Variants in GRHL2 observed in about 807,000 individuals in gnomAD.
The protein encoded by GRHL2 is grainyhead-like protein 2 homolog.
A neutral mutation model predicts 83.8 loss-of-function variants in GRHL2; 21 were observed. That is an observed-to-expected ratio of 0.25 (90% CI 0.18 to 0.36). GRHL2 has a LOEUF of 0.36. GRHL2 is among the 10% of genes least tolerant of loss of function. GRHL2 has a pLI of 1.00. For synonymous variants in GRHL2, 280 were observed against 278.9 expected (o/e 1.00, Z -0.04); for missense variants, 623 against 781.8 (o/e 0.80, Z 2.42).
intron 7 of GRHL2, among the ~76,000 whole-genome samples, chr8:101,586,884 CTAAA>C (rs1447957750): frequency 9.2e-5 from 14 of 152,162 alleles, no homozygotes; most frequent in Non-Finnish European, 1.5e-5. Context: ...TACTAGAAGA[CTAAA>C]TATGCCTTTA....
intron 14 of GRHL2, among the ~76,000 whole-genome samples, chr8:101,652,551 TGTATGTGTGGTG>T (rs1563627546): frequency 5.7e-4 from 56 of 97,648 alleles, no homozygotes; most frequent in Non-Finnish European, 9.5e-4. Flanking sequence ...GTGTGTGGTG[TGTATGTGTGGTG>T]GTGTGTGTGT....
chr8:101,583,957 C>T (rs999338824), intron 7 of GRHL2, among the ~76,000 whole-genome samples: 4 of 152,306 alleles, frequency 2.6e-5, no homozygotes, highest in Non-Finnish European at 4.4e-5. Context: ...AAATAATGCA[C>T]ATAACAGCTC....
intron 1 of GRHL2, among the ~76,000 whole-genome samples, chr8:101,517,730 C>A (rs12675360): frequency 1.5e-5 from 2 of 131,276 alleles, no homozygotes; most frequent in Admixed American, 7.4e-5. Flanking sequence ...CTTTCATGTC[C>A]GTTTGCAGTC....
chr8:101,638,969 A>G (rs1221200131), intron 12 of GRHL2, among the ~76,000 whole-genome samples: 1 of 152,158 alleles, frequency 6.6e-6, no homozygotes, highest in African/African-American at 2.4e-5. Flanking sequence ...TTTGACATTG[A>G]GCATCTTGCG....
At chr8:101,640,018 C>A (rs566317302) in intron 12 of GRHL2, among the ~76,000 whole-genome samples, 1 of 152,364 alleles carries the variant, frequency 6.6e-6, no homozygotes, top group Non-Finnish European at 1.5e-5. Context: ...GTGTTGACTT[C>A]TCTGCATTAC....
intron 7 of GRHL2, among the ~76,000 whole-genome samples, chr8:101,580,088 C>T (rs1327885506): frequency 6.6e-6 from 1 of 152,174 alleles, no homozygotes; most frequent in Non-Finnish European, 1.5e-5. Context: ...GCAGGTTCAA[C>T]CAAGTCAGCC....
At chr8:101,549,979 G>A (rs1012419374) in intron 2 of GRHL2, among the ~76,000 whole-genome samples, 1 of 151,982 alleles carries the variant, frequency 6.6e-6, no homozygotes, top group African/African-American at 2.4e-5. Context: ...TGGGGTGGGC[G>A]AGTCATAAAC....
intron 12 of GRHL2, among the ~76,000 whole-genome samples, chr8:101,641,146 T>G (rs1396309570): frequency 6.6e-6 from 1 of 152,184 alleles, no homozygotes; most frequent in Non-Finnish European, 1.5e-5. Context: ...TTACTGATTC[T>G]CTCAAATGAT....
At chr8:101,554,629 A>G (rs1253751100) in intron 3 of GRHL2, among the ~76,000 whole-genome samples, 1 of 152,210 alleles carries the variant, frequency 6.6e-6, no homozygotes, top group Admixed American at 6.5e-5. Flanking sequence ...TGTGATCTGC[A>G]GCATATTCAT....
chr8:101,678,925 ACATCACCAT>A, the GRHL2 span, among the ~76,000 whole-genome samples: 1 of 133,520 alleles, frequency 7.5e-6, no homozygotes, highest in East Asian at 2.1e-4. Flanking sequence ...ACCCATCTGT[ACATCACCAT>A]CATCAAAGAC....
chr8:101,556,970 A>C (rs1443243806), intron 3 of GRHL2, among the ~76,000 whole-genome samples: 2 of 151,614 alleles, frequency 1.3e-5, no homozygotes, highest in Non-Finnish European at 2.9e-5. Flanking sequence ...AGTGTAATAA[A>C]CCCCCCAAAT....
At chr8:101,652,341 A>T (rs141732933) in intron 14 of GRHL2, among the ~76,000 whole-genome samples, 1 of 73,868 alleles carries the variant, frequency 1.4e-5, no homozygotes. Flanking sequence ...GTGTGTGTGT[A>T]TGTGTGTGGT....
intron 1 of GRHL2, among the ~76,000 whole-genome samples, chr8:101,513,248 A>G (rs10100857): frequency 0.017 from 2,661 of 152,188 alleles, 77 homozygotes; most frequent in African/African-American, 0.06. Flanking sequence ...TCACGATCCC[A>G]CTACTTACTG....
intron 2 of GRHL2, among the ~76,000 whole-genome samples, chr8:101,551,439 C>A (rs1284658607): frequency 1.3e-5 from 2 of 151,970 alleles, no homozygotes; most frequent in African/African-American, 2.4e-5. Flanking sequence ...CTGCTCTGTC[C>A]CCACACTAAG....
At chr8:101,621,059 A>C (rs1301121858) in intron 9 of GRHL2, among the ~76,000 whole-genome samples, 2 of 152,154 alleles carry the variant, frequency 1.3e-5, no homozygotes, top group African/African-American at 4.8e-5. Flanking sequence ...AGAAAATCTG[A>C]CTATATTTGT....
chr8:101,498,223 A>AT (rs1810147572), intron 1 of GRHL2, among the ~76,000 whole-genome samples: 1 of 152,078 alleles, frequency 6.6e-6, no homozygotes, highest in Admixed American at 6.5e-5. Flanking sequence ...AGTTCAAGAG[A>AT]TTCTCCTGCC....
chr8:101,548,755 G>T (rs558142789), intron 2 of GRHL2, among the ~76,000 whole-genome samples: 1 of 152,318 alleles, frequency 6.6e-6, no homozygotes, highest in South Asian at 2.1e-4. Context: ...ATGGTTCAAA[G>T]AAGAGCAAAC....
In GRHL2 at chr8:101,631,667, C is replaced by T. The variant is rs1456445530; in HGVS notation, c.1288C>T (p.Arg430Trp). ...AGAAAGAAAAATCCGAGATGAAGAG[C>T]GGAAGCAGAACAGGAAGAAAGGGAA... is the stretch of plus-strand genomic sequence containing the variant. ...GAERKIRDEE[R>W]KQNRKKGKGQ... The change falls in exon 10 of 16, where the codon CGG becomes TGG. Residue 430 changes from arginine (R) to tryptophan (W), a missense_variant. This residue lies in a region of GRHL2 where 210 missense variants were observed against 254.8 expected (regional missense o/e 0.82). Transcript: ENST00000646743. 2 of 1,613,380 alleles carry T rather than the reference C, an allele frequency of 1.2e-6. No individual in the cohort carries two copies. The highest frequency in any genetic ancestry group is 1.7e-6 in the Non-Finnish European group (2 of 1,179,678).
At chr8:101,669,916 T>C (rs1025856441), downstream of GRHL2, among the ~76,000 whole-genome samples, 2 of 152,192 alleles carry the variant, frequency 1.3e-5, no homozygotes, top group African/African-American at 4.8e-5. Flanking sequence ...TGAAGAGGGC[T>C]GAAGAACTTC....
Sources: allele counts gnomAD v4.1 joint callset (sites outside exome capture counted in the v4.1 genomes callset), GRCh38; gene constraint gnomAD v4.1.1; regional missense constraint gnomAD v4.1.1; transcripts MANE v1.5; gene names NCBI Gene and HGNC (gene_info 2026-07-23, HGNC 2026-07-21).